SDK2: variants seen among roughly 807,000 people sequenced by gnomAD.
The protein encoded by SDK2 is sidekick cell adhesion molecule 2.
Under a neutral mutation model 253.9 loss-of-function variants are expected in SDK2, and 105 were observed. That is an observed-to-expected ratio of 0.41 (90% CI 0.35 to 0.49). The LOEUF is 0.49. Ranked by LOEUF, SDK2 falls within the 20% of genes least tolerant of loss-of-function variation. The pLI is 0.06. For synonymous variants in SDK2, 1,249 were observed against 1,234.9 expected, an observed-to-expected ratio of 1.01 and a Z score of -0.24; for missense variants, 2,608 against 3,003.0, an observed-to-expected ratio of 0.87 and a Z score of 3.07.
Position 73,639,574 on chromosome 17 carries a change from C to T in SDK2, c.64+4451G>A, listed in dbSNP as rs2046372581. On this transcript the variant is annotated intron_variant, in intron 1 of 44. Transcript: ENST00000392650. The surrounding 1 kb of genome is among the most constrained non-coding windows in gnomAD (Gnocchi z 4.3). The stretch of plus-strand genomic sequence containing the variant: ...AGGCCCCAAATTATGATGACTAATT[C>T]CCACCGCTTTAGGCAGCTCCAGGGC... Among the ~76,000 whole-genome samples the T allele has an allele frequency of 6.6e-6, 1 of 152,128 alleles. No individual in the cohort carries two copies. Among genetic ancestry groups the T allele is most frequent in the Non-Finnish European group, 1.5e-5 (1 of 68,030 alleles).
At chr17:73,466,583 C>A (rs2063598745) in intron 3 of SDK2, among the ~76,000 whole-genome samples, 2 of 152,138 alleles carry the variant, frequency 1.3e-5, no homozygotes, top group Non-Finnish European at 2.9e-5. Flanking sequence ...CCCTCTGAGC[C>A]CCAGTTTGCT....
intron 5 of SDK2, among the ~76,000 whole-genome samples, chr17:73,445,674 G>A (rs1427297786): frequency 2.0e-5 from 3 of 151,766 alleles, no homozygotes; most frequent in South Asian, 2.1e-4. Context: ...TGGGCGAAGC[G>A]TCAATTGCTC....
chr17:73,438,181 T>G, intron 6 of SDK2, 27 bp from the exon 7 acceptor site: 3 of 1,540,484 alleles, frequency 1.9e-6, no homozygotes, highest in Non-Finnish European at 2.6e-6. Context: ...AAGGCCAGTG[T>G]TCAGCCATGA....
chr17:73,362,204 G>C (rs1367886233), intron 38 of SDK2, among the ~76,000 whole-genome samples: 4 of 152,026 alleles, frequency 2.6e-5, no homozygotes, highest in Admixed American at 6.6e-5. Context: ...ATATGTTTCG[G>C]CTCCATTGCT....
chr17:73,410,724 T>C (rs1230056190), intron 18 of SDK2, among the ~76,000 whole-genome samples: 1 of 152,114 alleles, frequency 6.6e-6, no homozygotes, highest in Non-Finnish European at 1.5e-5. Context: ...AAGTGTGAGG[T>C]CTCCTTACTC....
chr17:73,468,918 G>T (rs1481192455), intron 3 of SDK2, among the ~76,000 whole-genome samples: 1 of 151,872 alleles, frequency 6.6e-6, no homozygotes, highest in African/African-American at 2.4e-5. Context: ...TCTGCCTTCT[G>T]GGTTCATGCG....
chr17:73,440,200 TG>T (rs1198074936), intron 6 of SDK2, among the ~76,000 whole-genome samples: 2 of 151,362 alleles, frequency 1.3e-5, no homozygotes, highest in African/African-American at 2.4e-5. Flanking sequence ...CTCCGCCTCC[TG>T]GGTTCAAACG....
chr17:73,593,466 T>C (rs1733307015), intron 1 of SDK2, among the ~76,000 whole-genome samples: 1 of 152,124 alleles, frequency 6.6e-6, no homozygotes, highest in African/African-American at 2.4e-5. Flanking sequence ...CCATGAGGCA[T>C]GCGCTCTGGG....
chr17:73,494,839 G>T (rs1013487932), intron 2 of SDK2, among the ~76,000 whole-genome samples: 1 of 152,238 alleles, frequency 6.6e-6, no homozygotes, highest in Admixed American at 6.5e-5. Flanking sequence ...AGGCCAGGGT[G>T]GGGGCACGGG....
In SDK2 at chr17:73,539,785, GAGA is replaced by G. The variant is rs2044835850; in HGVS notation, c.65-32191_65-32189del. 3.4e-5 allele frequency among the ~76,000 whole-genome samples: 5 copies of G among 149,174 alleles called. No individual in the cohort carries two copies. The South Asian group carries it at 8.6e-4, about 26-fold the overall frequency. ...CCTAATACAATTTAACTGATGTCCTGAGAAGAAGAGAGAACGTGGGCAGAGACA... is the reference window on the plus strand; with the variant it reads ...CCTAATACAATTTAACTGATGTCCTGAGAAGAGAGAACGTGGGCAGAGACA... On this transcript the variant is annotated intron_variant, in intron 1 of 44. Coordinates refer to ENST00000392650, the MANE Select transcript of SDK2 (RefSeq NM_001144952.2).
intron 6 of SDK2, among the ~76,000 whole-genome samples, chr17:73,440,079 C>G (rs953772288): frequency 6.6e-6 from 1 of 150,934 alleles, no homozygotes; most frequent in Non-Finnish European, 1.5e-5. Context: ...CTCCTGACCC[C>G]TGATCTGCCC....
At chr17:73,597,598 A>AATATGT (rs2045777754) in intron 1 of SDK2, among the ~76,000 whole-genome samples, 1 of 151,938 alleles carries the variant, frequency 6.6e-6, no homozygotes, top group Non-Finnish European at 1.5e-5. Flanking sequence ...TATCCTTATA[A>AATATGT]ATATGTATTC....
rs928419732 is a variant in SDK2 at position 73,609,472 on chromosome 17, C to T, written c.64+34553G>A. On this transcript the variant is annotated intron_variant, in intron 1 of 44. Coordinates refer to ENST00000392650, the MANE Select transcript of SDK2 (RefSeq NM_001144952.2). This position sits in a 1 kb window ranked among gnomAD's most constrained non-coding sequence, Gnocchi z 4.4. ...CAGCAGAGCAGCTTCAGTGGAAGCC[C>T]GACTGGGTTTAAGACAGAAAGGGAA... Among the ~76,000 whole-genome samples, 1 of 152,090 alleles carries T rather than the reference C, an allele frequency of 6.6e-6. No homozygotes were observed. The highest frequency in any genetic ancestry group is 1.5e-5 in the Non-Finnish European group (1 of 68,024).
chr17:73,551,390 A>C (rs907656884), intron 1 of SDK2, among the ~76,000 whole-genome samples: 1 of 152,118 alleles, frequency 6.6e-6, no homozygotes, highest in South Asian at 2.1e-4. Context: ...GAGACATATA[A>C]CATGTTGCCG....
rs1304371901 is a variant in SDK2 at position 73,412,278 on chromosome 17, GTGTGTGTATATATATA to G, written c.2484+2350_2484+2365del. ...TATACATATACATATATATATGTGT[GTGTGTGTATATATATA>G]TGTGTGTATATATATATATTTTTAG... is the stretch of plus-strand genomic sequence containing the variant. On this transcript the variant is annotated intron_variant, in intron 18 of 44. Transcript: ENST00000392650. 8.0e-3 allele frequency among the ~76,000 whole-genome samples: 1,198 copies of G among 149,060 alleles called. 21 individuals are homozygous for G. Among genetic ancestry groups the G allele is most frequent in the African/African-American group, 0.028 (1,132 of 40,104 alleles).
chr17:73,494,435 G>A (rs945422042), intron 2 of SDK2, among the ~76,000 whole-genome samples: 3 of 152,046 alleles, frequency 2.0e-5, no homozygotes, highest in Non-Finnish European at 2.9e-5. Context: ...CACACCCATC[G>A]TCCATCTCCA....
At chr17:73,582,415 G>C (rs1401240038) in intron 1 of SDK2, among the ~76,000 whole-genome samples, 2 of 152,194 alleles carry the variant, frequency 1.3e-5, no homozygotes, top group Non-Finnish European at 2.9e-5. Context: ...GGTACACACT[G>C]TGCAGGCACG....
chr17:73,360,421 T>C (rs1364218310), intron 39 of SDK2, among the ~76,000 whole-genome samples: 1 of 152,134 alleles, frequency 6.6e-6, no homozygotes, highest in East Asian at 1.9e-4. Flanking sequence ...TGCGCCATTC[T>C]TGGCTGAAGG....
chr17:73,624,420 G>A (rs1186264796), intron 1 of SDK2, among the ~76,000 whole-genome samples: 2 of 152,304 alleles, frequency 1.3e-5, no homozygotes, highest in South Asian at 4.1e-4. Flanking sequence ...TTGAATCCGG[G>A]AGTGGCAGAT....
Sources: allele counts gnomAD v4.1 joint callset (sites outside exome capture counted in the v4.1 genomes callset), GRCh38; gene constraint gnomAD v4.1.1; non-coding constraint Gnocchi (gnomAD v3.1); transcripts MANE v1.5; gene names NCBI Gene and HGNC (gene_info 2026-07-23, HGNC 2026-07-21).